The following FAM124A variants were observed in gnomAD, a reference collection of about 807,000 sequenced individuals.
FAM124A encodes the protein protein FAM124A.
Under a neutral mutation model 24.5 loss-of-function variants are expected in FAM124A, and 23 were observed. The observed-to-expected ratio is 0.94, with a 90% CI of 0.68 to 1.33. The LOEUF (loss-of-function observed/expected upper bound fraction) is 1.33. Among genes scored for constraint, FAM124A ranks in the 40% most tolerant of loss-of-function variants. FAM124A has a pLI of 0.00. For missense variants in FAM124A, 623 were observed against 722.8 expected (o/e 0.86, Z 1.58); for synonymous variants, 287 against 314.7 (o/e 0.91, Z 0.93).
chr13:51,227,859 G>A (rs373799470), intron 1 of FAM124A, among the ~76,000 whole-genome samples: 76 of 152,160 alleles, frequency 5.0e-4, no homozygotes, highest in Admixed American at 8.5e-4. Context: ...TTGATACTTC[G>A]CTGTGACTTA....
chr13:51,229,728 A>C (rs1238102166), intron 1 of FAM124A, among the ~76,000 whole-genome samples: 2 of 152,218 alleles, frequency 1.3e-5, no homozygotes, highest in African/African-American at 4.8e-5. Context: ...TTCCTGTTGC[A>C]TCTACCACAG....
intron 3 of FAM124A, among the ~76,000 whole-genome samples, chr13:51,278,898 G>C (rs555022527): frequency 6.6e-6 from 1 of 152,156 alleles, no homozygotes; most frequent in Admixed American, 6.5e-5. Flanking sequence ...ACATTTAGAC[G>C]TCCCCTGGCA....
At chr13:51,222,715 G>T in intron 1 of FAM124A, 146 bp downstream of exon 1, 1 of 852,356 alleles carries the variant, frequency 1.2e-6, no homozygotes, top group Non-Finnish European at 1.5e-6. Context: ...TCTCTCCTGG[G>T]CGGGCCGCGC....
chr13:51,223,019 A>G (rs1035791438), intron 1 of FAM124A, among the ~76,000 whole-genome samples: 8 of 152,036 alleles, frequency 5.3e-5, no homozygotes, highest in Non-Finnish European at 1.2e-4. Context: ...GGAGGATGGC[A>G]TTTCTCGTTA....
At chr13:51,269,883 T>G (rs1366004940) in intron 3 of FAM124A, among the ~76,000 whole-genome samples, 1 of 152,216 alleles carries the variant, frequency 6.6e-6, no homozygotes, top group Non-Finnish European at 1.5e-5. Flanking sequence ...TCTGATTATG[T>G]AAACCCCCAC....
At chr13:51,254,858 T>C (rs1954659193) in intron 3 of FAM124A, among the ~76,000 whole-genome samples, 1 of 152,192 alleles carries the variant, frequency 6.6e-6, no homozygotes, top group Non-Finnish European at 1.5e-5. Flanking sequence ...AAGAATATTA[T>C]TAATTATGTA....
At chr13:51,235,816 T>C (rs1954429693) in intron 2 of FAM124A, among the ~76,000 whole-genome samples, 1 of 152,174 alleles carries the variant, frequency 6.6e-6, no homozygotes, top group Non-Finnish European at 1.5e-5. Flanking sequence ...CCTTGACAGT[T>C]CCCTGAGGAA....
chr13:51,248,946 T>G (rs1954592336), intron 2 of FAM124A, among the ~76,000 whole-genome samples: 1 of 152,154 alleles, frequency 6.6e-6, no homozygotes, highest in Admixed American at 6.5e-5. Flanking sequence ...TAGCCAACTT[T>G]CCCCCAACTT....
At chr13:51,247,664 G>C (rs1353257824) in intron 2 of FAM124A, among the ~76,000 whole-genome samples, 2 of 151,996 alleles carry the variant, frequency 1.3e-5, no homozygotes, top group South Asian at 2.1e-4. Flanking sequence ...TAAAATTCTT[G>C]ACCCCTCGTT....
chr13:51,246,612 G>T (rs1168543198), intron 2 of FAM124A, among the ~76,000 whole-genome samples: 1 of 152,200 alleles, frequency 6.6e-6, no homozygotes, highest in African/African-American at 2.4e-5. Context: ...GGCTCTGGGG[G>T]TCGGGTCTTC....
At chr13:51,279,333 AC>A (rs530555144) in intron 3 of FAM124A, among the ~76,000 whole-genome samples, 338 of 152,114 alleles carry the variant, frequency 2.2e-3, no homozygotes, top group African/African-American at 7.8e-3. Context: ...GCTGCTCCTT[AC>A]CCCATCCCAA....
rs957055546 is a variant in FAM124A at position 51,235,878 on chromosome 13, G to A, written c.100+4499G>A. 3.9e-5 allele frequency among the ~76,000 whole-genome samples: 6 copies of A among 152,350 alleles called. No individual in the cohort carries two copies. In the East Asian group the frequency reaches 1.2e-3, roughly 29 times the overall value. On this transcript the variant is annotated intron_variant, in intron 2 of 3. Coordinates refer to ENST00000322475, the MANE Select transcript of FAM124A (RefSeq NM_001242312.2). ...GAAAAGGCCACCAACAGTGTGCTCT[G>A]CTGATTTGAGCCTGGGAACATGTAC...
Position 51,281,785 on chromosome 13 carries a change from T to C in FAM124A, c.*529T>C, listed in dbSNP as rs1252644550. On this transcript the variant is annotated 3_prime_UTR_variant, in exon 4 of 4. Transcript: ENST00000322475. ...AGGGATGTTTAAGCACTGCTTATAATGGAAAAAGTCAGCTTGAGAAGTAAA... is the reference window on the plus strand; with the variant it reads ...AGGGATGTTTAAGCACTGCTTATAACGGAAAAAGTCAGCTTGAGAAGTAAA... The C allele has an allele frequency of 2.0e-5, 3 of 152,430 alleles. No individual in the cohort carries two copies. The highest frequency in any genetic ancestry group is 4.4e-5 in the Non-Finnish European group (3 of 68,106). The allele number at this position is 152,430 out of a possible 1,614,324, so 9.4% of individuals were successfully genotyped here.
intron 3 of FAM124A, among the ~76,000 whole-genome samples, chr13:51,269,720 AT>A (rs1228527625): frequency 1.3e-5 from 2 of 152,228 alleles, no homozygotes; most frequent in Non-Finnish European, 2.9e-5. Context: ...ATAGAATAAG[AT>A]TTGTGAGTTG....
chr13:51,270,810 C>T (rs949715251), intron 3 of FAM124A, among the ~76,000 whole-genome samples: 5 of 152,194 alleles, frequency 3.3e-5, no homozygotes, highest in African/African-American at 7.2e-5. Context: ...GTTAGTTGAT[C>T]TCTTCTGATG....
At chr13:51,264,652 T>C (rs1954768433) in intron 3 of FAM124A, among the ~76,000 whole-genome samples, 1 of 151,990 alleles carries the variant, frequency 6.6e-6, no homozygotes, top group Non-Finnish European at 1.5e-5. Context: ...AAAAAAAAAT[T>C]GCATACACTG....
intron 2 of FAM124A, among the ~76,000 whole-genome samples, chr13:51,245,092 G>C (rs573613110): frequency 6.6e-6 from 1 of 152,246 alleles, no homozygotes; most frequent in Non-Finnish European, 1.5e-5. Context: ...ATCTCCTGCA[G>C]AGAGAGGGCT....
At chr13:51,271,234 A>G (rs75620980) in intron 3 of FAM124A, among the ~76,000 whole-genome samples, 190 of 152,326 alleles carry the variant, frequency 1.2e-3, no homozygotes, top group African/African-American at 4.4e-3. Flanking sequence ...CTCTCCCGCT[A>G]GCTTTCTCAC....
rs1342514633 is a variant in FAM124A, at chr13:51,258,961, A to G, written c.834+6760A>G. 6.6e-6 allele frequency among the ~76,000 whole-genome samples: 1 copy of G among 152,188 alleles called. No homozygotes were observed. Among genetic ancestry groups the G allele is most frequent in the Non-Finnish European group, 1.5e-5 (1 of 68,028 alleles). On this transcript the variant is annotated intron_variant, in intron 3 of 3. Coordinates refer to ENST00000322475, the MANE Select transcript of FAM124A (RefSeq NM_001242312.2). This position sits in a 1 kb window ranked among gnomAD's most constrained non-coding sequence, Gnocchi z 4.2. ...GCACTGGGGAGCCCCAGGGAGCAGA[A>G]GGCACAATGGCCTGGGCAGGACGGG...
Sources: allele counts gnomAD v4.1 joint callset (sites outside exome capture counted in the v4.1 genomes callset), GRCh38; gene constraint gnomAD v4.1.1; non-coding constraint Gnocchi (gnomAD v3.1); transcripts MANE v1.5; gene names NCBI Gene and HGNC (gene_info 2026-07-23, HGNC 2026-07-21).